The following PPARGC1A variants were observed in gnomAD, a reference collection of about 807,000 sequenced individuals.
PPARGC1A encodes the protein PPARG coactivator 1 alpha.
Under a neutral mutation model 88.7 loss-of-function variants are expected in PPARGC1A, and 25 were observed. That is an observed-to-expected ratio of 0.28 (90% CI 0.21 to 0.39). The LOEUF (loss-of-function observed/expected upper bound fraction) is 0.39, where lower values mean the gene tolerates loss of function less well. PPARGC1A is among the 10% of genes least tolerant of loss of function. PPARGC1A has a pLI of 1.00. For synonymous variants in PPARGC1A, 363 were observed against 355.6 expected (o/e 1.02, Z -0.24); for missense variants, 880 against 968.7 (o/e 0.91, Z 1.22).
chr4:24,470,277 G>GACACAGACAC, the PPARGC1A span, among the ~76,000 whole-genome samples: 3 of 110,746 alleles, frequency 2.7e-5, no homozygotes, highest in Admixed American at 1.8e-4. The surrounding 1 kb of genome is among the most constrained non-coding windows in gnomAD (Gnocchi z 5.8). Flanking sequence ...GACAGACACA[G>GACACAGACAC]ACACACACAC....
chr4:23,955,296 T>C, the PPARGC1A span, among the ~76,000 whole-genome samples: 9 of 152,052 alleles, frequency 5.9e-5, no homozygotes, highest in Non-Finnish European at 1.0e-4. Context: ...CCTCTAGAAA[T>C]ACACACAGCA....
the PPARGC1A span, among the ~76,000 whole-genome samples, chr4:24,139,524 C>T: frequency 3.9e-5 from 6 of 152,088 alleles, no homozygotes; most frequent in Admixed American, 6.6e-5. Flanking sequence ...ACAGACAATA[C>T]GTGAAGAGAA....
At chr4:24,354,127 C>G in the PPARGC1A span, among the ~76,000 whole-genome samples, 522 of 152,220 alleles carry the variant, frequency 3.4e-3, 4 homozygotes, top group African/African-American at 0.012. Context: ...TCCTTGCACA[C>G]AGCCTGCTAT....
intron 2 of PPARGC1A, among the ~76,000 whole-genome samples, chr4:23,837,074 C>T (rs1481983993): frequency 6.6e-6 from 1 of 152,160 alleles, no homozygotes; most frequent in Non-Finnish European, 1.5e-5. Context: ...TTCTCACACT[C>T]GCTTGATCTC....
the PPARGC1A span, among the ~76,000 whole-genome samples, chr4:23,910,312 AATATTATATATATTAT>A: frequency 8.2e-4 from 39 of 47,444 alleles, no homozygotes; most frequent in South Asian, 4.8e-3. Context: ...CCCTATATAT[AATATTATATATATTAT>A]ATATTATATA....
the PPARGC1A span, among the ~76,000 whole-genome samples, chr4:24,420,994 G>A: frequency 6.6e-6 from 1 of 152,114 alleles, no homozygotes; most frequent in South Asian, 2.1e-4. Flanking sequence ...TCTTTCATAA[G>A]GTCACTAATT....
chr4:24,089,886 G>A, the PPARGC1A span, among the ~76,000 whole-genome samples: 1 of 152,098 alleles, frequency 6.6e-6, no homozygotes, highest in Non-Finnish European at 1.5e-5. Flanking sequence ...AAATGACAGG[G>A]GTCGATCAGC....
chr4:24,101,592 T>C, the PPARGC1A span, among the ~76,000 whole-genome samples: 1 of 152,198 alleles, frequency 6.6e-6, no homozygotes, highest in South Asian at 2.1e-4. Flanking sequence ...CCCATACATA[T>C]GTAAAATTAT....
At chr4:24,160,754 G>A in the PPARGC1A span, among the ~76,000 whole-genome samples, 4 of 152,170 alleles carry the variant, frequency 2.6e-5, no homozygotes, top group East Asian at 5.8e-4. Context: ...AACAGGCCCT[G>A]ACACTTAATA....
chr4:24,264,020 G>C, the PPARGC1A span, among the ~76,000 whole-genome samples: 2 of 151,984 alleles, frequency 1.3e-5, no homozygotes, highest in Non-Finnish European at 2.9e-5. Context: ...CAAAGTGCTG[G>C]GATTACAGGT....
chr4:24,327,662 T>A, the PPARGC1A span, among the ~76,000 whole-genome samples: 1 of 151,542 alleles, frequency 6.6e-6, no homozygotes, highest in Non-Finnish European at 1.5e-5. Context: ...TTCAGCTTAA[T>A]CTGTCCCACT....
the PPARGC1A span, among the ~76,000 whole-genome samples, chr4:24,235,210 CATTT>C: frequency 6.6e-6 from 1 of 152,118 alleles, no homozygotes; most frequent in Non-Finnish European, 1.5e-5. Context: ...AAGAAACTGA[CATTT>C]ATAAGAATCA....
the PPARGC1A span, among the ~76,000 whole-genome samples, chr4:24,350,882 C>T: frequency 6.6e-6 from 1 of 152,110 alleles, no homozygotes; most frequent in South Asian, 2.1e-4. Flanking sequence ...GTAATCCCAG[C>T]ACTTTGGGAG....
upstream of PPARGC1A, among the ~76,000 whole-genome samples, chr4:23,891,541 C>A (rs796990454): frequency 2.6e-5 from 4 of 152,194 alleles, no homozygotes; most frequent in South Asian, 8.3e-4. Flanking sequence ...ACAAAAGAAA[C>A]AAAATACCAG....
At chr4:24,247,682 A>G in the PPARGC1A span, among the ~76,000 whole-genome samples, 1 of 152,170 alleles carries the variant, frequency 6.6e-6, no homozygotes, top group African/African-American at 2.4e-5. Context: ...TGGCTGGGTA[A>G]GTGTATGCAG....
chr4:23,966,156 G>A, the PPARGC1A span, among the ~76,000 whole-genome samples: 1 of 152,156 alleles, frequency 6.6e-6, no homozygotes, highest in Non-Finnish European at 1.5e-5. Flanking sequence ...GGCACACACT[G>A]GTCCACATCT....
At chr4:24,214,556 C>G in the PPARGC1A span, among the ~76,000 whole-genome samples, 6 of 152,188 alleles carry the variant, frequency 3.9e-5, no homozygotes, top group Non-Finnish European at 5.9e-5. Context: ...AAGAGGCAGA[C>G]AGTGGACTCC....
chr4:24,353,956 T>C, the PPARGC1A span, among the ~76,000 whole-genome samples: 458 of 152,324 alleles, frequency 3.0e-3, 1 homozygote, highest in African/African-American at 7.6e-3. Context: ...TTATCACAAA[T>C]TTTGTGGCCT....
chr4:23,821,526 G>C (rs1205780681), intron 7 of PPARGC1A, among the ~76,000 whole-genome samples: 2 of 152,024 alleles, frequency 1.3e-5, no homozygotes, highest in Non-Finnish European at 1.5e-5. Context: ...ATATGAGATT[G>C]CCAAAGAGGA....
Sources: gnomAD v4.1 joint callset for allele counts (sites outside exome capture counted in the v4.1 genomes callset) on GRCh38, gnomAD v4.1.1 for gene constraint, Gnocchi (gnomAD v3.1) non-coding constraint, MANE v1.5 for transcripts, NCBI Gene and HGNC (gene_info 2026-07-23, HGNC 2026-07-21) for gene names.